The following RPGRIP1 variants were observed in gnomAD, a reference collection of about 807,000 sequenced individuals.
The protein encoded by RPGRIP1 is RPGR interacting protein 1.
In RPGRIP1, 128 loss-of-function variants were observed where a neutral mutation model predicts 157.9. The ratio of observed to expected loss-of-function variants is 0.81; its 90% CI spans 0.70 to 0.94. The LOEUF (loss-of-function observed/expected upper bound fraction) is 0.94, where lower values mean the gene tolerates loss of function less well. Ranked by LOEUF, RPGRIP1 falls within the 40% of genes least tolerant of loss-of-function variation. The pLI is 0.00. For missense variants in RPGRIP1, 1,486 were observed against 1,545.8 expected, an observed-to-expected ratio of 0.96 and a Z score of 0.65; for synonymous variants, 554 against 571.6, an observed-to-expected ratio of 0.97 and a Z score of 0.44.
chr14:21,339,046 G>C (rs1257241383), intron 21 of RPGRIP1, among the ~76,000 whole-genome samples: 2 of 152,208 alleles, frequency 1.3e-5, no homozygotes, highest in African/African-American at 4.8e-5. Flanking sequence ...TGAGGCAGGA[G>C]AATCGCTTGA....
intron 1 of RPGRIP1, among the ~76,000 whole-genome samples, chr14:21,287,506 C>T (rs1880341705): frequency 6.6e-6 from 1 of 152,102 alleles, no homozygotes; most frequent in South Asian, 2.1e-4. Context: ...CAGCGAGGGT[C>T]ATTTGTCTTG....
Position 21,339,035 on chromosome 14 carries a change from T to C in RPGRIP1, c.3340-4001T>C, listed in dbSNP as rs148870146. On this transcript the variant is annotated intron_variant, in intron 21 of 24. Transcript: ENST00000400017. Reference sequence around the variant, plus strand: ...CCTGTAATCCCAGCTACTCAGGAGGTTGAGGCAGGAGAATCGCTTGAGCCC... The same window carrying C: ...CCTGTAATCCCAGCTACTCAGGAGGCTGAGGCAGGAGAATCGCTTGAGCCC... Among the ~76,000 whole-genome samples, 369 of 150,036 alleles carry C rather than the reference T, an allele frequency of 2.5e-3. 2 individuals carry two copies. The highest frequency in any genetic ancestry group is 8.5e-3 in the African/African-American group (347 of 40,690).
chr14:21,339,590 C>T (rs1436521256), intron 21 of RPGRIP1, among the ~76,000 whole-genome samples: 2 of 151,922 alleles, frequency 1.3e-5, no homozygotes, highest in African/African-American at 4.8e-5. Context: ...CTATCCATGT[C>T]GATATATTTA....
Position 21,326,150 on chromosome 14 carries a change from T to A in RPGRIP1, c.2687T>A (p.Leu896His), listed in dbSNP as rs1474781586. The change falls in exon 17 of 25, where the codon CTT becomes CAT. Residue 896 changes from leucine to histidine, a missense_variant. Coordinates refer to ENST00000400017, the MANE Select transcript of RPGRIP1 (RefSeq NM_020366.4). Reference protein sequence around the residue: ...LGRARVPLLPLAKNESIKGDF... With the variant: ...LGRARVPLLPHAKNESIKGDF... Reference sequence around the variant, plus strand: ...CGAGCCCGAGTGCCTTTACTGCCTCTTGCAAAAAATGAATCTATCAAAGGT... The same window carrying A: ...CGAGCCCGAGTGCCTTTACTGCCTCATGCAAAAAATGAATCTATCAAAGGT... The A allele has an allele frequency of 6.4e-7, 1 of 1,572,214 alleles. No homozygotes were observed. The highest frequency in any genetic ancestry group is 2.2e-5 in the East Asian group (1 of 44,502).
At chr14:21,281,539 A>C (rs1376805134) in intron 1 of RPGRIP1, among the ~76,000 whole-genome samples, 1 of 151,726 alleles carries the variant, frequency 6.6e-6, no homozygotes, top group Non-Finnish European at 1.5e-5. Flanking sequence ...GAATAGAAAA[A>C]TTAGCTGGGC....
chr14:21,297,286 G>T (rs1163964164), intron 3 of RPGRIP1, among the ~76,000 whole-genome samples: 1 of 152,018 alleles, frequency 6.6e-6, no homozygotes, highest in African/African-American at 2.4e-5. Flanking sequence ...GTAGAGACAG[G>T]GTTTCACCAT....
At chr14:21,290,732 T>C (rs887431347) in intron 2 of RPGRIP1, among the ~76,000 whole-genome samples, 2 of 149,784 alleles carry the variant, frequency 1.3e-5, no homozygotes, top group Admixed American at 1.3e-4. Context: ...GGCAGGAGAA[T>C]GGCGTGAACC....
chr14:21,306,112 CTTTTTTTTTTTTTTTTTT>C (rs539083010), intron 6 of RPGRIP1, among the ~76,000 whole-genome samples: 23 of 44,828 alleles, frequency 5.1e-4, no homozygotes, highest in African/African-American at 1.6e-3. Context: ...GAATAATAGT[CTTTTTTTTTTTTTTTTTT>C]TTTTTTTTTT....
chr14:21,325,767 TAGGCTTCACCTACAAC>T, intron 16 of RPGRIP1, 48 bp from the exon 17 acceptor site: 2 of 1,230,262 alleles, frequency 1.6e-6, no homozygotes, highest in Admixed American at 4.1e-5. Flanking sequence ...CCACAGATCC[TAGGCTTCACCTACAAC>T]AGTCTCAAGC....
intron 23 of RPGRIP1, among the ~76,000 whole-genome samples, chr14:21,345,941 TCCC>T (rs1391078663): frequency 1.3e-5 from 2 of 152,110 alleles, no homozygotes; most frequent in African/African-American, 4.8e-5. Context: ...TGCCTGAGCC[TCCC>T]AAGTAGCTGG....
chr14:21,302,380 C>A, intron 4 of RPGRIP1, 108 bp from the exon 5 acceptor site: 1 of 510,236 alleles, frequency 2.0e-6, no homozygotes, highest in Non-Finnish European at 3.2e-6. Context: ...ACAAGGGTTT[C>A]ACCCAGGTCT....
Position 21,348,259 on chromosome 14 carries a change from G to A in RPGRIP1, c.3705G>A (p.Gln1235=). The part of the protein sequence containing the change: ...EVGYAYLQLW[Q]ILESGRDILE... ...GATATGCATATCTTCAACTGTGGCA[G>A]ATCCTGGAGTCAGGAAGAGATATTC... The change falls in exon 24 of 25, where the codon CAG becomes CAA. Residue 1235 remains glutamine (Q), a synonymous_variant. Coordinates refer to ENST00000400017, the MANE Select transcript of RPGRIP1 (RefSeq NM_020366.4). 6.3e-7 allele frequency: 1 copy of A among 1,590,400 alleles called. No homozygotes were observed. The highest frequency in any genetic ancestry group is 1.8e-5 in the Admixed American group (1 of 56,202).
chr14:21,288,166 C>T (rs1436863500), intron 2 of RPGRIP1, 105 bp downstream of exon 2: 3 of 674,166 alleles, frequency 4.4e-6, no homozygotes, highest in South Asian at 3.5e-5. Flanking sequence ...CAGCTCTTTT[C>T]TTCAGTCTTC....
chr14:21,302,637 A>C, intron 5 of RPGRIP1, 53 bp downstream of exon 5: 1 of 1,135,094 alleles, frequency 8.8e-7, no homozygotes, highest in Non-Finnish European at 1.3e-6. Context: ...TTAATTAGAA[A>C]GACATCATTT....
intron 1 of RPGRIP1, among the ~76,000 whole-genome samples, chr14:21,286,325 G>T (rs924321557): frequency 3.3e-5 from 5 of 151,872 alleles, no homozygotes; most frequent in African/African-American, 1.2e-4. Flanking sequence ...TGGAGAACAT[G>T]CTAATGGGTG....
chr14:21,298,863 C>T (rs1471137643), intron 3 of RPGRIP1, among the ~76,000 whole-genome samples: 2 of 149,506 alleles, frequency 1.3e-5, no homozygotes, highest in Admixed American at 6.7e-5. Context: ...TCTCTTGAAC[C>T]CGGGAGGCTG....
rs61751266 is a variant in RPGRIP1 at position 21,312,457 on chromosome 14, GA to G, written c.1107del (p.Glu370AsnfsTer5). The stretch of plus-strand genomic sequence containing the variant: ...GTTTCAGGAGAGAGTTGAAGATTTG[GA>G]AAAAGAACGAAAATTGCTGAATGAC... ...KEFQERVEDL[E>X]KERKLLNDNY... On this transcript the variant is annotated frameshift_variant, in exon 10 of 25. Coordinates refer to ENST00000400017, the MANE Select transcript of RPGRIP1 (RefSeq NM_020366.4). LOFTEE classifies it high-confidence loss of function. 3.7e-6 allele frequency: 6 copies of G among 1,610,620 alleles called. No individual in the cohort carries two copies. The Middle Eastern group carries it at 6.6e-4, about 177-fold the overall frequency.
At chr14:21,351,035 C>A in intron 24 of RPGRIP1, 69 bp from the exon 25 acceptor site, 1 of 845,708 alleles carries the variant, frequency 1.2e-6, no homozygotes, top group Non-Finnish European at 1.9e-6. Context: ...TCCCCAGTAC[C>A]TAACCTGACA....
Position 21,303,323 on chromosome 14 carries a change from G to C in RPGRIP1, c.588-8G>C, listed in dbSNP as rs775513683. The stretch of plus-strand genomic sequence containing the variant: ...ACAACAGTTTCTAAGTATCCTTTTT[G>C]TATTTAGTGTTTCTGGTTCTAACAG... On this transcript the variant is annotated splice_region_variant and splice_polypyrimidine_tract_variant and intron_variant, in intron 5 of 24. Coordinates refer to ENST00000400017, the MANE Select transcript of RPGRIP1 (RefSeq NM_020366.4). 1 of 1,599,210 alleles carries C rather than the reference G, an allele frequency of 6.3e-7. No individual in the cohort carries two copies. Among genetic ancestry groups the C allele is most frequent in the Non-Finnish European group, 8.5e-7 (1 of 1,169,870 alleles).
Sources: allele counts gnomAD v4.1 joint callset (sites outside exome capture counted in the v4.1 genomes callset), GRCh38; gene constraint gnomAD v4.1.1; transcripts MANE v1.5; gene names NCBI Gene and HGNC (gene_info 2026-07-23, HGNC 2026-07-21).